SH3RF3: variants seen among roughly 807,000 people sequenced by gnomAD.
The protein encoded by SH3RF3 is SH3 domain containing ring finger 3.
Under a neutral mutation model 66.3 loss-of-function variants are expected in SH3RF3, and 29 were observed. The observed-to-expected ratio is 0.44, with a 90% CI of 0.33 to 0.60. SH3RF3 has a LOEUF of 0.60. Ranked by LOEUF, SH3RF3 falls within the 20% of genes least tolerant of loss-of-function variation. The probability of loss-of-function intolerance (pLI) is 0.04; values close to 1 mark genes in which losing one functional copy is unlikely to be tolerated. For synonymous variants in SH3RF3, 583 were observed against 532.0 expected (o/e 1.10, Z -1.32); for missense variants, 1,194 against 1,190.9 (o/e 1.00, Z -0.04).
chr2:109,399,416 A>G (rs1559062514), intron 4 of SH3RF3, among the ~76,000 whole-genome samples: 1 of 151,876 alleles, frequency 6.6e-6, no homozygotes, highest in African/African-American at 2.4e-5. Flanking sequence ...GTTTCTACAG[A>G]TACCTTCTAT....
chr2:109,436,511 A>G (rs185279700), intron 6 of SH3RF3, among the ~76,000 whole-genome samples: 3 of 152,142 alleles, frequency 2.0e-5, no homozygotes, highest in Non-Finnish European at 4.4e-5. Flanking sequence ...CCTTTCCCCA[A>G]TGTGCTGGAT....
At chr2:109,332,969 C>G (rs1682322238) in intron 1 of SH3RF3, among the ~76,000 whole-genome samples, 1 of 152,220 alleles carries the variant, frequency 6.6e-6, no homozygotes, top group African/African-American at 2.4e-5. Flanking sequence ...GTCCCAACAT[C>G]AGCAGGATGC....
At chr2:109,423,018 C>A (rs895678132) in intron 5 of SH3RF3, among the ~76,000 whole-genome samples, 1 of 152,168 alleles carries the variant, frequency 6.6e-6, no homozygotes, top group Non-Finnish European at 1.5e-5. Context: ...TGGCACAGAG[C>A]CTTGGTCTGG....
At chr2:109,467,841 A>G (rs1163125648) in intron 8 of SH3RF3, among the ~76,000 whole-genome samples, 1 of 152,184 alleles carries the variant, frequency 6.6e-6, no homozygotes, top group Non-Finnish European at 1.5e-5. Flanking sequence ...GAACAGAGCC[A>G]GGCTGAGCAC....
At chr2:109,459,362 G>C (rs11899775) in intron 8 of SH3RF3, among the ~76,000 whole-genome samples, 6,728 of 152,174 alleles carry the variant, frequency 0.044, 438 homozygotes, top group African/African-American at 0.14. Flanking sequence ...TATCCAATCT[G>C]TATTCCCCTT....
At chr2:109,169,439 C>T (rs1455345201) in intron 1 of SH3RF3, among the ~76,000 whole-genome samples, 1 of 152,030 alleles carries the variant, frequency 6.6e-6, no homozygotes, top group African/African-American at 2.4e-5. Context: ...GCTCAGCTCC[C>T]TGTGGTGGAG....
chr2:109,264,304 C>T (rs1012587023), intron 1 of SH3RF3, among the ~76,000 whole-genome samples: 2 of 148,750 alleles, frequency 1.3e-5, no homozygotes, highest in African/African-American at 2.5e-5. Flanking sequence ...ACAGGATCCA[C>T]CCCAAGTCTG....
chr2:109,217,513 G>A (rs546570920), intron 1 of SH3RF3, among the ~76,000 whole-genome samples: 39 of 152,266 alleles, frequency 2.6e-4, no homozygotes, highest in Non-Finnish European at 2.1e-4. Flanking sequence ...AAGTCATCCC[G>A]GGCTTCCCCA....
chr2:109,437,055 C>G lies in SH3RF3; in HGVS notation c.1737C>G (p.Ala579=). The part of the protein sequence containing the change: ...ALPITTPQAH[A]QHPTASPPTG... The stretch of plus-strand genomic sequence containing the variant: ...CCATCACCACTCCCCAGGCCCACGC[C>G]CAGCACCCCACAGCCTCGCCCCCAA... The change falls in exon 7 of 10, where the codon GCC becomes GCG. Residue 579 remains alanine (A), a synonymous_variant. Coordinates refer to ENST00000309415, the MANE Select transcript of SH3RF3 (RefSeq NM_001099289.3). 1 of 1,613,842 alleles carries G rather than the reference C, an allele frequency of 6.2e-7. No homozygotes were observed. Among genetic ancestry groups the G allele is most frequent in the Non-Finnish European group, 8.5e-7 (1 of 1,179,896 alleles).
chr2:109,170,249 CTT>C (rs1558938139), intron 1 of SH3RF3, among the ~76,000 whole-genome samples: 3 of 5,874 alleles, frequency 5.1e-4, no homozygotes, highest in East Asian at 7.8e-3. Flanking sequence ...TTTCTTTTCT[CTT>C]CTCTTCTCTT....
chr2:109,331,944 G>A (rs1277027555), intron 1 of SH3RF3, among the ~76,000 whole-genome samples: 1 of 152,202 alleles, frequency 6.6e-6, no homozygotes, highest in Non-Finnish European at 1.5e-5. Flanking sequence ...GCACCTGGCC[G>A]ATCCTCCGAT....
intron 1 of SH3RF3, among the ~76,000 whole-genome samples, chr2:109,222,501 AAAG>A (rs1679279113): frequency 3.3e-5 from 5 of 151,526 alleles, no homozygotes; most frequent in African/African-American, 9.8e-5. Flanking sequence ...AAAAAAATAA[AAAG>A]AGTCCATCCT....
At chr2:109,247,327 C>T (rs1378802692) in intron 1 of SH3RF3, among the ~76,000 whole-genome samples, 1 of 152,212 alleles carries the variant, frequency 6.6e-6, no homozygotes, top group East Asian at 1.9e-4. Context: ...ATCCAAATCT[C>T]TGCAGCCCCT....
Position 109,201,192 on chromosome 2 carries a change from G to A in SH3RF3, c.573+71079G>A, listed in dbSNP as rs72952019. Among the ~76,000 whole-genome samples, 1,347 of 152,320 alleles carry A rather than the reference G, an allele frequency of 8.8e-3. 17 individuals are homozygous for A. Among genetic ancestry groups the A allele is most frequent in the African/African-American group, 0.031 (1,287 of 41,560 alleles). On this transcript the variant is annotated intron_variant, in intron 1 of 9. Coordinates refer to ENST00000309415, the MANE Select transcript of SH3RF3 (RefSeq NM_001099289.3). ...CCTCTGCATGGCTGCAAGATGCACG[G>A]TCCTGAAATGATGCTTTAGTTTTGC...
At chr2:109,199,851 A>G (rs919457332) in intron 1 of SH3RF3, among the ~76,000 whole-genome samples, 1 of 151,388 alleles carries the variant, frequency 6.6e-6, no homozygotes, top group Non-Finnish European at 1.5e-5. Context: ...ATGGAATGGA[A>G]ATAACAAAAT....
chr2:109,326,409 A>G (rs372357061), intron 1 of SH3RF3, among the ~76,000 whole-genome samples: 12 of 152,166 alleles, frequency 7.9e-5, no homozygotes, highest in African/African-American at 2.2e-4. Flanking sequence ...GGAGAATACT[A>G]TGTTCTTTGG....
chr2:109,427,680 C>A (rs562100817), intron 5 of SH3RF3, among the ~76,000 whole-genome samples: 1 of 152,238 alleles, frequency 6.6e-6, no homozygotes, highest in Non-Finnish European at 1.5e-5. Context: ...AGCCGTGCCA[C>A]CCCAGCTCCT....
rs572539115 is a variant in SH3RF3, at chr2:109,407,279, A to G, written c.1299+8336A>G. Among the ~76,000 whole-genome samples, 6 of 152,318 alleles carry G rather than the reference A, an allele frequency of 3.9e-5. No homozygotes were observed. The East Asian group carries it at 5.8e-4, about 15-fold the overall frequency. Reference sequence around the variant, plus strand: ...ATTAGGAACATACCCTTTAAAATCAATGGAAGGGGAAGTGTTTGAAATTCA... The same window carrying G: ...ATTAGGAACATACCCTTTAAAATCAGTGGAAGGGGAAGTGTTTGAAATTCA... On this transcript the variant is annotated intron_variant, in intron 4 of 9. Coordinates refer to ENST00000309415, the MANE Select transcript of SH3RF3 (RefSeq NM_001099289.3).
At chr2:109,401,872 A>T (rs962614588) in intron 4 of SH3RF3, among the ~76,000 whole-genome samples, 6 of 152,182 alleles carry the variant, frequency 3.9e-5, no homozygotes, top group African/African-American at 1.4e-4. Flanking sequence ...ATTAATTTGC[A>T]TACTACCTGG....
Sources: gnomAD v4.1 joint callset for allele counts (sites outside exome capture counted in the v4.1 genomes callset) on GRCh38, gnomAD v4.1.1 for gene constraint, MANE v1.5 for transcripts, NCBI Gene and HGNC (gene_info 2026-07-23, HGNC 2026-07-21) for gene names.